The following WDR86 variants were observed in gnomAD, a reference collection of about 807,000 sequenced individuals.
WDR86 encodes WD repeat-containing protein 86.
Under a neutral mutation model 36.5 loss-of-function variants are expected in WDR86, and 30 were observed. That is an observed-to-expected ratio of 0.82 (90% CI 0.61 to 1.11). The LOEUF is 1.11. WDR86 is among the 50% of genes most tolerant of loss of function. The pLI is 0.00. For synonymous variants in WDR86, 255 were observed against 252.9 expected (o/e 1.01, Z -0.08); for missense variants, 545 against 561.2 (o/e 0.97, Z 0.29).
intron 2 of WDR86, among the ~76,000 whole-genome samples, chr7:151,398,452 T>C (rs115059701): frequency 0.016 from 2,492 of 151,582 alleles, 114 homozygotes; most frequent in African/African-American, 0.058. Flanking sequence ...TATGAGTGTA[T>C]GTGTGTGCAC....
intron 1 of WDR86, among the ~76,000 whole-genome samples, chr7:151,407,005 G>A (rs780920288): frequency 6.6e-6 from 1 of 152,200 alleles, no homozygotes; most frequent in Non-Finnish European, 1.5e-5. Context: ...CAAAAGGACT[G>A]TCACACACTC....
chr7:151,371,860 A>G (rs1797973599), downstream of WDR86, among the ~76,000 whole-genome samples: 1 of 152,110 alleles, frequency 6.6e-6, no homozygotes, highest in Non-Finnish European at 1.5e-5. Flanking sequence ...CCTCCTGCCA[A>G]GAGCTCTCGG....
intron 1 of WDR86, chr7:151,408,964 C>A (rs1163789692): frequency 2.1e-6 from 1 of 473,700 alleles, no homozygotes; most frequent in Non-Finnish European, 4.4e-6. Context: ...CACCGCTGGC[C>A]CTTAACAAGC....
downstream of WDR86, chr7:151,374,326 T>C: frequency 6.7e-7 from 1 of 1,489,194 alleles, no homozygotes; most frequent in South Asian, 1.2e-5. Flanking sequence ...TCCAGCATCC[T>C]CCCGGGCTCA....
chr7:151,391,265 C>G (rs1020891523), intron 3 of WDR86, among the ~76,000 whole-genome samples: 1 of 152,244 alleles, frequency 6.6e-6, no homozygotes, highest in Non-Finnish European at 1.5e-5. Context: ...TCCTGCTTCC[C>G]GGATCTGCTC....
chr7:151,378,718 G>A (rs111923214), downstream of WDR86, among the ~76,000 whole-genome samples: 6 of 152,318 alleles, frequency 3.9e-5, no homozygotes, highest in East Asian at 5.8e-4. Flanking sequence ...GAGGTGACGC[G>A]GAGTCTCAGC....
chr7:151,410,631 C>T (rs115911105), upstream of WDR86: 6,529 of 152,282 alleles, frequency 0.043, 400 homozygotes, highest in African/African-American at 0.14. Flanking sequence ...TGGGGCGCCT[C>T]TAATGGACCC....
downstream of WDR86, chr7:151,377,288 GC>G: frequency 1.7e-6 from 2 of 1,150,678 alleles, no homozygotes; most frequent in South Asian, 3.4e-5. Context: ...AAAGGCTAAT[GC>G]AGCTCTTTCT....
At chr7:151,375,886 T>G, downstream of WDR86, 1 of 1,613,390 alleles carries the variant, frequency 6.2e-7, no homozygotes, top group Non-Finnish European at 8.5e-7. Context: ...GGTTAAATGA[T>G]TCCAATCCTG....
chr7:151,382,266 C>A (rs1021360783), intron 4 of WDR86, among the ~76,000 whole-genome samples: 4 of 152,230 alleles, frequency 2.6e-5, no homozygotes, highest in Non-Finnish European at 5.9e-5. Context: ...GGTTTCCGTG[C>A]CTGCTTGGGA....
At chr7:151,408,041 C>A (rs1800851000) in intron 1 of WDR86, among the ~76,000 whole-genome samples, 1 of 152,030 alleles carries the variant, frequency 6.6e-6, no homozygotes, top group African/African-American at 2.4e-5. Context: ...TGGTTGAATG[C>A]CTATAAGTGT....
chr7:151,396,618 C>T (rs931400496), intron 2 of WDR86, among the ~76,000 whole-genome samples: 31 of 152,198 alleles, frequency 2.0e-4, no homozygotes, highest in African/African-American at 7.5e-4. Flanking sequence ...GGGTTTTCAG[C>T]CTAAGACTGA....
In WDR86 at chr7:151,409,465, C is replaced by T; in HGVS notation, c.125G>A (p.Trp42Ter). The T allele has an allele frequency of 6.5e-7, 1 of 1,539,420 alleles. No individual in the cohort carries two copies. The highest frequency in any genetic ancestry group is 8.7e-7 in the Non-Finnish European group (1 of 1,148,178). ...TGSEDGTARL[W>*]STADGQCCAL... ...GCAGCACTGGCCGTCCGCGGTGCTCCAGAGCCGGGCCGTGCCGTCCTCGCT... is the reference window on the plus strand; with the variant it reads ...GCAGCACTGGCCGTCCGCGGTGCTCTAGAGCCGGGCCGTGCCGTCCTCGCT... The change falls in exon 1 of 6, where the codon TGG (tryptophan) becomes TAG (stop). Residue 42 changes from tryptophan (W) to a stop codon, truncating the protein, a stop_gained. Transcript: ENST00000334493. LOFTEE classifies it high-confidence loss of function. This position sits in a 1 kb window ranked among gnomAD's most constrained non-coding sequence, Gnocchi z 5.2.
At chr7:151,395,510 C>CGG (rs749397391) in intron 3 of WDR86, among the ~76,000 whole-genome samples, 1,343 of 53,874 alleles carry the variant, frequency 0.025, 12 homozygotes, top group Non-Finnish European at 0.054. Context: ...CACACACACA[C>CGG]ACACACACAC....
downstream of WDR86, among the ~76,000 whole-genome samples, chr7:151,379,053 G>C (rs1354060549): frequency 6.6e-6 from 1 of 152,238 alleles, no homozygotes; most frequent in Non-Finnish European, 1.5e-5. Flanking sequence ...GGTTGGAGGA[G>C]AGGCCGTTGC....
rs991581707 is a variant in WDR86 at position 151,388,029 on chromosome 7, C to T, written c.727-2806G>A. On this transcript the variant is annotated intron_variant, in intron 3 of 5. Coordinates refer to ENST00000334493, the MANE Select transcript of WDR86 (RefSeq NM_198285.3). The surrounding 1 kb of genome is among the most constrained non-coding windows in gnomAD (Gnocchi z 4.2). ...CCCAGGGCCTGAACATGGTAACCCC[C>T]GCCCATCCCCAAAACGCAGGTGCAA... 5.9e-5 allele frequency among the ~76,000 whole-genome samples: 9 copies of T among 152,242 alleles called. No individual in the cohort carries two copies. Among genetic ancestry groups the T allele is most frequent in the African/African-American group, 1.4e-4 (6 of 41,462 alleles).
At chr7:151,376,202 T>G, downstream of WDR86, 2 of 491,602 alleles carry the variant, frequency 4.1e-6, no homozygotes, top group Middle Eastern at 5.8e-4. Context: ...GCACCACTGT[T>G]TGCATCAGCC....
At chr7:151,378,475 T>G (rs1798415442), downstream of WDR86, 1 of 152,254 alleles carries the variant, frequency 6.6e-6, no homozygotes, top group African/African-American at 2.4e-5. Context: ...TGCATTAATT[T>G]ACTCAGCCTC....
chr7:151,379,447 T>C (rs1376985504), downstream of WDR86, among the ~76,000 whole-genome samples: 1 of 152,146 alleles, frequency 6.6e-6, no homozygotes, highest in African/African-American at 2.4e-5. Context: ...CAACTCCTCC[T>C]CAGTCAATTT....
Sources: gnomAD v4.1 joint callset for allele counts (sites outside exome capture counted in the v4.1 genomes callset) on GRCh38, gnomAD v4.1.1 for gene constraint, Gnocchi (gnomAD v3.1) non-coding constraint, MANE v1.5 for transcripts, NCBI Gene and HGNC (gene_info 2026-07-23, HGNC 2026-07-21) for gene names.